Variants in BORCS5 observed in about 807,000 individuals in gnomAD.
BORCS5 encodes the protein BLOC-1-related complex subunit 5.
BORCS5 carries 17 observed loss-of-function variants against 22.1 expected under a neutral mutation model. That is an observed-to-expected ratio of 0.77 (90% CI 0.53 to 1.15). The LOEUF (loss-of-function observed/expected upper bound fraction) is 1.15. Among genes scored for constraint, BORCS5 ranks in the 50% most tolerant of loss-of-function variants. The pLI is 0.00. For missense variants in BORCS5, 247 were observed against 253.2 expected, an observed-to-expected ratio of 0.98 and a Z score of 0.17; for synonymous variants, 117 against 99.8, an observed-to-expected ratio of 1.17 and a Z score of -1.03.
At chr12:12,442,053 C>T (rs1389238104) in intron 3 of BORCS5, among the ~76,000 whole-genome samples, 1 of 152,150 alleles carries the variant, frequency 6.6e-6, no homozygotes, top group Admixed American at 6.5e-5. Flanking sequence ...AACTGAAAAG[C>T]CAACCAGAAA....
At chr12:12,358,935 G>A (rs1420810209) in intron 1 of BORCS5, among the ~76,000 whole-genome samples, 1 of 152,224 alleles carries the variant, frequency 6.6e-6, no homozygotes, top group Non-Finnish European at 1.5e-5. Context: ...AGCCTCCGGA[G>A]ACGAGCTTCT....
chr12:12,460,992 A>G (rs1943093429), intron 3 of BORCS5, among the ~76,000 whole-genome samples: 1 of 152,184 alleles, frequency 6.6e-6, no homozygotes, highest in African/African-American at 2.4e-5. Context: ...CAGATGCCTA[A>G]TAACCTTAGT....
At chr12:12,378,749 T>C (rs1408712513) in intron 2 of BORCS5, among the ~76,000 whole-genome samples, 1 of 151,256 alleles carries the variant, frequency 6.6e-6, no homozygotes, top group African/African-American at 2.4e-5. Context: ...TTCCTGGTTT[T>C]GATCATTGTA....
chr12:12,407,577 C>T (rs931942254), intron 2 of BORCS5, among the ~76,000 whole-genome samples: 1 of 152,068 alleles, frequency 6.6e-6, no homozygotes, highest in Non-Finnish European at 1.5e-5. Flanking sequence ...GTATCATGAC[C>T]TTCCATCTCC....
At chr12:12,434,042 G>A (rs1942496521) in intron 2 of BORCS5, among the ~76,000 whole-genome samples, 1 of 151,924 alleles carries the variant, frequency 6.6e-6, no homozygotes, top group South Asian at 2.1e-4. Context: ...GCCAGGTGAG[G>A]TGGCTTACAC....
In BORCS5 at chr12:12,438,382, G is replaced by GAAAAAAAAAAAA. The variant is rs1565915767; in HGVS notation, c.360+2602_360+2603insAAAAAAAAAAAA. Among the ~76,000 whole-genome samples the GAAAAAAAAAAAA allele has an allele frequency of 1.9e-3, 201 of 106,920 alleles. 11 individuals carry two copies. The highest frequency in any genetic ancestry group is 0.011 in the African/African-American group (195 of 18,034). The allele number at this position is 106,920 out of a possible 152,430, so 70.1% of individuals were successfully genotyped here. On this transcript the variant is annotated intron_variant, in intron 3 of 3. Coordinates refer to ENST00000314565, the MANE Select transcript of BORCS5 (RefSeq NM_058169.6). ...TCTCAAAAAAAAAAAAAAAAAAAAC[G>GAAAAAAAAAAAA]AAAAACAACAACAAAAACCTCTAAT...
intron 2 of BORCS5, among the ~76,000 whole-genome samples, chr12:12,367,236 A>G (rs1009030409): frequency 2.0e-5 from 3 of 152,178 alleles, no homozygotes; most frequent in Non-Finnish European, 4.4e-5. Context: ...ATTTCAAATG[A>G]CCAGTTTCTT....
intron 3 of BORCS5, among the ~76,000 whole-genome samples, chr12:12,448,351 G>A (rs1942832124): frequency 6.6e-6 from 1 of 152,056 alleles, no homozygotes; most frequent in Non-Finnish European, 1.5e-5. Flanking sequence ...AAGTAGCTGG[G>A]ATTACAGGTG....
intron 2 of BORCS5, among the ~76,000 whole-genome samples, chr12:12,388,940 C>T (rs990895110): frequency 6.6e-6 from 1 of 151,070 alleles, no homozygotes; most frequent in Non-Finnish European, 1.5e-5. Flanking sequence ...CAAGAGGCTA[C>T]AGTTCCGAGG....
At chr12:12,416,116 A>G (rs138241814) in intron 2 of BORCS5, among the ~76,000 whole-genome samples, 4 of 152,286 alleles carry the variant, frequency 2.6e-5, no homozygotes, top group East Asian at 3.9e-4. Flanking sequence ...TTGCTGTACA[A>G]TTACTCATAG....
chr12:12,400,062 T>A (rs1941432668), intron 2 of BORCS5, among the ~76,000 whole-genome samples: 1 of 152,258 alleles, frequency 6.6e-6, no homozygotes, highest in Non-Finnish European at 1.5e-5. Flanking sequence ...ATCTTTGTTG[T>A]CAGTCACTAC....
chr12:12,375,721 T>A lies in BORCS5; in HGVS notation c.202+14372T>A, dbSNP rs547524199. Among the ~76,000 whole-genome samples, 20 of 152,336 alleles carry A rather than the reference T, an allele frequency of 1.3e-4. 1 individual carries two copies. In the South Asian group the frequency reaches 4.1e-3, roughly 32 times the overall value. On this transcript the variant is annotated intron_variant, in intron 2 of 3. Transcript: ENST00000314565. ...AAAGCCAGTGAAATGCAAAGTGACA[T>A]TTTAAAGAATGCACTTGGATAGATA...
intron 2 of BORCS5, among the ~76,000 whole-genome samples, chr12:12,392,433 C>T (rs1447760817): frequency 1.3e-5 from 2 of 152,062 alleles, no homozygotes; most frequent in African/African-American, 4.8e-5. Flanking sequence ...TCCAGTTCTG[C>T]TTAAACATTT....
intron 2 of BORCS5, among the ~76,000 whole-genome samples, chr12:12,421,561 C>A (rs1463069991): frequency 6.6e-6 from 1 of 152,182 alleles, no homozygotes; most frequent in Non-Finnish European, 1.5e-5. Context: ...TGCTGCTGGC[C>A]TCATAAAATG....
At position 12,449,320 on chromosome 12, in the gene BORCS5, C is replaced by G. The variant is rs552464994; in HGVS notation, c.360+13535C>G. ...CTACACCGCTGTCTTTCATGGGACC[C>G]GAGGAAAGCTCTCCCAAGGAACGGG... is the stretch of plus-strand genomic sequence containing the variant. On this transcript the variant is annotated intron_variant, in intron 3 of 3. Transcript: ENST00000314565. 1.7e-3 allele frequency among the ~76,000 whole-genome samples: 255 copies of G among 152,290 alleles called. 1 individual carries two copies. The highest frequency in any genetic ancestry group is 5.9e-3 in the African/African-American group (246 of 41,560).
chr12:12,433,322 CAAAAAAAAAAA>C (rs34833037), intron 2 of BORCS5, among the ~76,000 whole-genome samples: 2 of 40,670 alleles, frequency 4.9e-5, no homozygotes, highest in Admixed American at 3.9e-4. Flanking sequence ...GACTGTGTCT[CAAAAAAAAAAA>C]AAAAAAAAAA....
chr12:12,401,503 ATTTAT>A (rs1941474254), intron 2 of BORCS5, among the ~76,000 whole-genome samples: 1 of 152,056 alleles, frequency 6.6e-6, no homozygotes, highest in Non-Finnish European at 1.5e-5. Flanking sequence ...TTTTTGCCAT[ATTTAT>A]TTTTTTAATA....
chr12:12,401,341 C>T (rs1326039818), intron 2 of BORCS5, among the ~76,000 whole-genome samples: 1 of 152,180 alleles, frequency 6.6e-6, no homozygotes, highest in East Asian at 1.9e-4. Context: ...CTGTTCCTTG[C>T]TTATTGATTA....
At chr12:12,433,480 A>G (rs1005387856) in intron 2 of BORCS5, among the ~76,000 whole-genome samples, 1 of 152,044 alleles carries the variant, frequency 6.6e-6, no homozygotes, top group South Asian at 2.1e-4. Flanking sequence ...CTCTAAACCA[A>G]AAAAGGGAGG....
Sources: allele counts gnomAD v4.1 joint callset (sites outside exome capture counted in the v4.1 genomes callset), GRCh38; gene constraint gnomAD v4.1.1; transcripts MANE v1.5; gene names NCBI Gene and HGNC (gene_info 2026-07-23, HGNC 2026-07-21).